Variants in SUSD1 observed in about 807,000 individuals in gnomAD.
SUSD1 encodes the protein sushi domain containing 1.
A neutral mutation model predicts 86.9 loss-of-function variants in SUSD1; 65 were observed. The ratio of observed to expected loss-of-function variants is 0.75; its 90% CI spans 0.61 to 0.92. The LOEUF (loss-of-function observed/expected upper bound fraction) is 0.92, where lower values mean the gene tolerates loss of function less well. SUSD1 is among the 40% of genes least tolerant of loss of function. The probability of loss-of-function intolerance (pLI) is 0.00; values close to 1 mark genes in which losing one functional copy is unlikely to be tolerated. For missense variants in SUSD1, 850 were observed against 929.7 expected (o/e 0.91, Z 1.11); for synonymous variants, 346 against 350.0 (o/e 0.99, Z 0.13).
chr9:112,097,198 C>T (rs1167067309), intron 10 of SUSD1, among the ~76,000 whole-genome samples: 2 of 151,390 alleles, frequency 1.3e-5, no homozygotes, highest in Non-Finnish European at 2.9e-5. Context: ...TGGTGGTATG[C>T]GCCTGTAGTC....
intron 15 of SUSD1, among the ~76,000 whole-genome samples, chr9:112,048,172 T>A (rs1193452911): frequency 4.6e-5 from 7 of 152,186 alleles, no homozygotes; most frequent in African/African-American, 1.7e-4. Flanking sequence ...TTTAAAGGGC[T>A]CCTGTGATTA....
intron 3 of SUSD1, among the ~76,000 whole-genome samples, chr9:112,145,723 T>A (rs978260218): frequency 6.6e-6 from 1 of 152,218 alleles, no homozygotes; most frequent in East Asian, 1.9e-4. Context: ...CACCAATTAT[T>A]GTTTGGGAAC....
chr9:112,111,623 T>C (rs1333303480), intron 8 of SUSD1, 31 bp downstream of exon 8: 1 of 1,603,692 alleles, frequency 6.2e-7, no homozygotes, highest in Non-Finnish European at 8.5e-7. Context: ...TAGCATTTTC[T>C]AGGAGGAAAT....
rs567761301 is a variant in SUSD1 at position 112,073,522 on chromosome 9, C to T, written c.1753+5016G>A. The stretch of plus-strand genomic sequence containing the variant: ...CCCCGCCCCCACCCACCCCCATCCT[C>T]CTCTCTCTGGTTTCCTCTTTCTCTC... On this transcript the variant is annotated intron_variant, in intron 12 of 16. Coordinates refer to ENST00000374270, the MANE Select transcript of SUSD1 (RefSeq NM_022486.5). Among the ~76,000 whole-genome samples, 314 of 146,432 alleles carry T rather than the reference C, an allele frequency of 2.1e-3. 2 individuals carry two copies. The highest frequency in any genetic ancestry group is 3.6e-3 in the Non-Finnish European group (238 of 66,608).
intron 13 of SUSD1, among the ~76,000 whole-genome samples, chr9:112,059,585 G>T (rs1828620444): frequency 6.6e-6 from 1 of 152,194 alleles, no homozygotes; most frequent in Non-Finnish European, 1.5e-5. Flanking sequence ...AGTTAATCTA[G>T]TCTGACAACA....
intron 12 of SUSD1, among the ~76,000 whole-genome samples, chr9:112,069,824 G>T (rs373149158): frequency 1.3e-5 from 2 of 151,640 alleles, no homozygotes; most frequent in Non-Finnish European, 2.9e-5. Context: ...ACTGCAGACC[G>T]AGCAGGAAGG....
At chr9:112,058,844 A>G (rs1452481664) in intron 13 of SUSD1, among the ~76,000 whole-genome samples, 158 bp from the exon 14 acceptor site, 1 of 151,920 alleles carries the variant, frequency 6.6e-6, no homozygotes. Context: ...ACTAGGCTGG[A>G]GTACAGTGGT....
In SUSD1 at chr9:112,142,700, G is replaced by A. The variant is rs909928877; in HGVS notation, c.527-201C>T. The A allele has an allele frequency of 3.4e-4, 184 of 537,082 alleles. 2 individuals are homozygous for A. In the Middle Eastern group the frequency reaches 7.7e-3, roughly 22 times the overall value. The allele number at this position is 537,082 out of a possible 1,614,324, so 33.3% of individuals were successfully genotyped here. A position where few individuals can be genotyped will look rare whatever the true frequency, so the allele number is the denominator to read the frequency against. On this transcript the variant is annotated intron_variant, in intron 4 of 16. Coordinates refer to ENST00000374270, the MANE Select transcript of SUSD1 (RefSeq NM_022486.5). ...AATCTTTTGGCCTTCCATAGGTAAA[G>A]CATCTATACATGCACAAAGCTGAAA...
At chr9:112,133,247 C>G (rs1309765422) in intron 5 of SUSD1, among the ~76,000 whole-genome samples, 1 of 152,196 alleles carries the variant, frequency 6.6e-6, no homozygotes, top group Admixed American at 6.5e-5. Flanking sequence ...CACACTCCAC[C>G]CTGGGCAACC....
At chr9:112,042,941 A>AAAAATTGTAACTGAG (rs1554749384) in intron 15 of SUSD1, among the ~76,000 whole-genome samples, 1 of 151,552 alleles carries the variant, frequency 6.6e-6, no homozygotes, top group Non-Finnish European at 1.5e-5. Flanking sequence ...CCGCCTTTTT[A>AAAAATTGTAACTGAG]AAAATTATAA....
intron 8 of SUSD1, chr9:112,102,983 C>T: frequency 3.0e-6 from 1 of 332,820 alleles, no homozygotes; most frequent in East Asian, 8.5e-5. Context: ...AGATTTATTA[C>T]TAATGAATTA....
intron 15 of SUSD1, among the ~76,000 whole-genome samples, chr9:112,043,800 T>G (rs1037863954): frequency 1.3e-5 from 2 of 152,124 alleles, no homozygotes; most frequent in Non-Finnish European, 2.9e-5. Flanking sequence ...TATTTTATTT[T>G]TATTTATTAT....
intron 12 of SUSD1, among the ~76,000 whole-genome samples, chr9:112,077,491 G>A (rs1829567473): frequency 7.4e-6 from 1 of 135,362 alleles, no homozygotes; most frequent in African/African-American, 2.7e-5. Context: ...TCCCCTGATA[G>A]TAATCTACTT....
chr9:112,065,626 A>G (rs566914999), intron 12 of SUSD1, among the ~76,000 whole-genome samples: 1 of 152,348 alleles, frequency 6.6e-6, no homozygotes, highest in Admixed American at 6.5e-5. Context: ...TTAGAGGTCT[A>G]CCCAGTGTGG....
At chr9:112,111,567 C>T in intron 8 of SUSD1, 87 bp downstream of exon 8, 1 of 1,518,164 alleles carries the variant, frequency 6.6e-7, no homozygotes, top group Non-Finnish European at 8.9e-7. Flanking sequence ...AATAGGAGCT[C>T]TCCAGCCCAG....
intron 11 of SUSD1, among the ~76,000 whole-genome samples, chr9:112,079,339 A>G (rs1829667432): frequency 6.6e-6 from 1 of 152,200 alleles, no homozygotes; most frequent in Non-Finnish European, 1.5e-5. Context: ...GTGCACATAC[A>G]CAACAAGAAA....
rs1294678939 is a variant in SUSD1 at position 112,078,807 on chromosome 9, TTC to T, written c.1567-85_1567-84del. The T allele has an allele frequency of 3.9e-3, 4,564 of 1,176,572 alleles. 122 individuals are homozygous for T. In the African/African-American group the frequency reaches 0.068, roughly 17 times the overall value. 72.9% of individuals were successfully genotyped at this position (1,176,572 alleles called of 1,614,324 possible). ...TGAAACCTCCCCTTTTCCTTTTTCT[TTC>T]TCTTTTTTTTTTTTTTTTTTTGAGA... On this transcript the variant is annotated intron_variant, in intron 11 of 16. Coordinates refer to ENST00000374270, the MANE Select transcript of SUSD1 (RefSeq NM_022486.5).
At chr9:112,053,159 G>C (rs894364956) in intron 14 of SUSD1, among the ~76,000 whole-genome samples, 1 of 152,076 alleles carries the variant, frequency 6.6e-6, no homozygotes, top group African/African-American at 2.4e-5. Flanking sequence ...TCTTTCAAAT[G>C]ACAGCCTTGG....
chr9:112,042,016 G>A, intron 15 of SUSD1, 56 bp from the exon 16 acceptor site: 2 of 1,595,364 alleles, frequency 1.3e-6, no homozygotes, highest in South Asian at 2.3e-5. Context: ...CACCTCCCAG[G>A]AGGCACACAC....
Sources: gnomAD v4.1 joint callset for allele counts (sites outside exome capture counted in the v4.1 genomes callset) on GRCh38, gnomAD v4.1.1 for gene constraint, MANE v1.5 for transcripts, NCBI Gene and HGNC (gene_info 2026-07-23, HGNC 2026-07-21) for gene names.